Variants in CDH4 observed in about 807,000 individuals in gnomAD.
CDH4 encodes the protein cadherin-4.
Under a neutral mutation model 86.0 loss-of-function variants are expected in CDH4, and 33 were observed. That is an observed-to-expected ratio of 0.38 (90% CI 0.29 to 0.51). The LOEUF is 0.51. Among genes scored for constraint, CDH4 ranks in the 20% least tolerant of loss-of-function variants. The probability of loss-of-function intolerance (pLI) is 0.86; values close to 1 mark genes in which losing one functional copy is unlikely to be tolerated. For missense variants in CDH4, 1,114 were observed against 1,307.4 expected, an observed-to-expected ratio of 0.85 and a Z score of 2.28; for synonymous variants, 555 against 549.4, an observed-to-expected ratio of 1.01 and a Z score of -0.14.
intron 2 of CDH4, among the ~76,000 whole-genome samples, chr20:61,357,368 A>T (rs28735334): frequency 8.6e-5 from 13 of 151,834 alleles, no homozygotes; most frequent in African/African-American, 2.7e-4. Context: ...GCCGTGTTGC[A>T]GCCACACACA....
chr20:61,427,496 G>C (rs950794278), intron 2 of CDH4, among the ~76,000 whole-genome samples: 1 of 87,520 alleles, frequency 1.1e-5, no homozygotes, highest in African/African-American at 7.9e-5. Flanking sequence ...CCAACTGAGA[G>C]GCTTTTTTTT....
At chr20:61,308,292 G>A (rs889435607) in intron 2 of CDH4, among the ~76,000 whole-genome samples, 1 of 152,196 alleles carries the variant, frequency 6.6e-6, no homozygotes, top group East Asian at 1.9e-4. Context: ...TAAATACTAT[G>A]TGAGTGCACA....
intron 3 of CDH4, among the ~76,000 whole-genome samples, chr20:61,748,769 G>T (rs191928175): frequency 6.6e-6 from 1 of 151,948 alleles, no homozygotes; most frequent in Non-Finnish European, 1.5e-5. Context: ...TAAATAAGAC[G>T]AAAATACTTG....
chr20:61,662,425 G>A (rs207477699), intron 2 of CDH4, among the ~76,000 whole-genome samples: 10 of 152,216 alleles, frequency 6.6e-5, no homozygotes, highest in Admixed American at 1.3e-4. Flanking sequence ...TCTCAGCTCC[G>A]TGCGCGGCTT....
chr20:61,296,269 G>GCA lies in CDH4; in HGVS notation c.169+41332_169+41333insCA, dbSNP rs2084352509. On this transcript the variant is annotated intron_variant, in intron 2 of 15. Transcript: ENST00000614565. ...TGTGTGTGTGCATGTGTGCGTGTGT[G>GCA]TGTGTGCGTGGGTGCGTGTGTGTGT... Among the ~76,000 whole-genome samples, 8 of 144,554 alleles carry GCA rather than the reference G, an allele frequency of 5.5e-5. No homozygotes were observed. In the South Asian group the frequency reaches 1.3e-3, roughly 24 times the overall value. 94.8% of individuals were successfully genotyped at this position (144,554 alleles called of 152,430 possible).
intron 2 of CDH4, among the ~76,000 whole-genome samples, chr20:61,666,558 A>C (rs1273621394): frequency 1.3e-5 from 2 of 152,224 alleles, no homozygotes; most frequent in African/African-American, 2.4e-5. Context: ...CACTGAATTC[A>C]GAGTCCACAT....
intron 2 of CDH4, among the ~76,000 whole-genome samples, chr20:61,606,267 G>T (rs1338538396): frequency 6.6e-6 from 1 of 152,216 alleles, no homozygotes; most frequent in Non-Finnish European, 1.5e-5. Context: ...CCACCTCTGT[G>T]CCGGGCTCAC....
intron 4 of CDH4, among the ~76,000 whole-genome samples, chr20:61,843,757 C>T (rs1378009060): frequency 1.3e-5 from 2 of 152,022 alleles, no homozygotes; most frequent in African/African-American, 2.4e-5. Context: ...CCGCTATGGC[C>T]CACTGTATTA....
chr20:61,789,078 G>A (rs1237818215), intron 4 of CDH4, among the ~76,000 whole-genome samples: 1 of 152,156 alleles, frequency 6.6e-6, no homozygotes, highest in Non-Finnish European at 1.5e-5. Flanking sequence ...AGTCTCGTCT[G>A]ACACAGGTGT....
chr20:61,731,727 T>C (rs1314683538), intron 2 of CDH4, among the ~76,000 whole-genome samples: 1 of 152,156 alleles, frequency 6.6e-6, no homozygotes, highest in Non-Finnish European at 1.5e-5. Context: ...GCTCCCTTGG[T>C]TTGGAGACGT....
At chr20:61,422,695 A>C (rs2085186993) in intron 2 of CDH4, among the ~76,000 whole-genome samples, 1 of 152,104 alleles carries the variant, frequency 6.6e-6, no homozygotes, top group Admixed American at 6.6e-5. Context: ...ATTGCTGAGC[A>C]CCTCAGCTGC....
chr20:61,317,927 C>T (rs1299933621), intron 2 of CDH4, among the ~76,000 whole-genome samples: 1 of 152,230 alleles, frequency 6.6e-6, no homozygotes, highest in Non-Finnish European at 1.5e-5. Context: ...ACAGAATGAT[C>T]CAGCCATTGC....
rs1600736202 is a variant in CDH4 at position 61,534,653 on chromosome 20, CTTTCTTTCTTTCTT to C, written c.170-208906_170-208893del. 7.7e-4 allele frequency among the ~76,000 whole-genome samples: 71 copies of C among 92,726 alleles called. 5 individuals carry two copies. The East Asian group carries it at 0.026, about 34-fold the overall frequency. The allele number at this position is 92,726 out of a possible 152,430, so 60.8% of individuals were successfully genotyped here. On this transcript the variant is annotated intron_variant, in intron 2 of 15. Coordinates refer to ENST00000614565, the MANE Select transcript of CDH4 (RefSeq NM_001794.5). The stretch of plus-strand genomic sequence containing the variant: ...GTTTTTTCTTTTCTTTCTTTCTTTT[CTTTCTTTCTTTCTT>C]TTTTTTTTTTTTTTTTTTTTGAGGT...
chr20:61,778,728 G>A (rs974300899), intron 4 of CDH4, among the ~76,000 whole-genome samples: 3 of 152,248 alleles, frequency 2.0e-5, no homozygotes, highest in South Asian at 2.1e-4. Flanking sequence ...GGAGGAAGCC[G>A]CTCACAGTTA....
chr20:61,921,517 C>T (rs555224753), intron 9 of CDH4, among the ~76,000 whole-genome samples: 4 of 152,280 alleles, frequency 2.6e-5, no homozygotes, highest in African/African-American at 4.8e-5. Context: ...TTTGGGAGGC[C>T]GAGGCAGGCG....
At chr20:61,423,116 G>A (rs914448177) in intron 2 of CDH4, among the ~76,000 whole-genome samples, 20 of 152,170 alleles carry the variant, frequency 1.3e-4, no homozygotes, top group African/African-American at 4.3e-4. Context: ...TCGGGGCAGG[G>A]CAGAGAGCTG....
At chr20:61,763,867 G>A (rs187813034) in intron 3 of CDH4, among the ~76,000 whole-genome samples, 98 of 152,250 alleles carry the variant, frequency 6.4e-4, no homozygotes, top group Non-Finnish European at 1.2e-3. Context: ...ATAACTTTTC[G>A]CATGTAGCTT....
intron 2 of CDH4, among the ~76,000 whole-genome samples, chr20:61,648,887 C>A (rs1304134566): frequency 6.6e-6 from 1 of 152,186 alleles, no homozygotes; most frequent in South Asian, 2.1e-4. Flanking sequence ...AGGAATCCTA[C>A]TTTTATGGGA....
chr20:61,739,583 A>G (rs1382205860), intron 2 of CDH4, among the ~76,000 whole-genome samples: 1 of 152,216 alleles, frequency 6.6e-6, no homozygotes, highest in Non-Finnish European at 1.5e-5. Flanking sequence ...TCTGCCAGAA[A>G]CCACCAGTTA....
Sources: gnomAD v4.1 joint callset for allele counts (sites outside exome capture counted in the v4.1 genomes callset) on GRCh38, gnomAD v4.1.1 for gene constraint, MANE v1.5 for transcripts, NCBI Gene and HGNC (gene_info 2026-07-23, HGNC 2026-07-21) for gene names.